The following SAMSN1 variants were observed in gnomAD, a reference collection of about 807,000 sequenced individuals.
SAMSN1 encodes the protein SAM domain-containing protein SAMSN-1.
A neutral mutation model predicts 42.0 loss-of-function variants in SAMSN1; 31 were observed. That is an observed-to-expected ratio of 0.74 (90% confidence interval 0.55 to 1.00). The LOEUF (loss-of-function observed/expected upper bound fraction) is 1.00. Ranked by LOEUF, SAMSN1 falls within the 50% of genes least tolerant of loss-of-function variation. SAMSN1 has a pLI of 0.00. For synonymous variants in SAMSN1, 178 were observed against 151.9 expected (o/e 1.17, Z -1.26); for missense variants, 464 against 439.4 (o/e 1.06, Z -0.50).
At chr21:14,532,325 G>T (rs1979320007) in intron 1 of SAMSN1, among the ~76,000 whole-genome samples, 1 of 152,112 alleles carries the variant, frequency 6.6e-6, no homozygotes, top group South Asian at 2.1e-4. Context: ...CTGGTCTTAG[G>T]AATTTAAACA....
In SAMSN1 at chr21:14,604,784, T is replaced by G. The variant is rs370148293; in HGVS notation, c.323-2685A>C. ...AGCCGGGCCTAACCTAGACTAGTTG[T>G]CAGACATGTAAGTGAAGGAGCCTCT... On this transcript the variant is annotated intron_variant, in intron 5 of 15. Transcript: ENST00000647101. Among the ~76,000 whole-genome samples the G allele has an allele frequency of 1.3e-4, 20 of 152,330 alleles. No homozygotes were observed. The East Asian group carries it at 3.9e-3, about 29-fold the overall frequency.
chr21:14,527,146 C>T (rs76611806), intron 1 of SAMSN1, among the ~76,000 whole-genome samples: 304 of 152,276 alleles, frequency 2.0e-3, no homozygotes, highest in Non-Finnish European at 3.2e-3. Flanking sequence ...GCACAAAGAA[C>T]GTTGGTTAGT....
intron 2 of SAMSN1, among the ~76,000 whole-genome samples, chr21:14,626,298 G>A (rs1328085177): frequency 6.6e-6 from 1 of 152,136 alleles, no homozygotes; most frequent in Admixed American, 6.5e-5. Context: ...TTAAACTAAA[G>A]AGCTTTTGCA....
At chr21:14,570,793 A>G (rs1291875846) in intron 2 of SAMSN1, among the ~76,000 whole-genome samples, 2 of 152,150 alleles carry the variant, frequency 1.3e-5, no homozygotes, top group East Asian at 3.8e-4. Context: ...CAAAATATCA[A>G]CTCAAGCCTC....
intron 1 of SAMSN1, among the ~76,000 whole-genome samples, chr21:14,537,494 CA>C (rs1979705422): frequency 6.6e-6 from 1 of 152,038 alleles, no homozygotes; most frequent in Non-Finnish European, 1.5e-5. Context: ...TTGGTATCGC[CA>C]GTGTATTGTC....
chr21:14,598,809 C>T (rs1982347131), intron 6 of SAMSN1, among the ~76,000 whole-genome samples: 1 of 152,094 alleles, frequency 6.6e-6, no homozygotes, highest in Admixed American at 6.5e-5. Flanking sequence ...ATAATTATAA[C>T]TATAAAATGT....
intron 2 of SAMSN1, among the ~76,000 whole-genome samples, chr21:14,624,814 GAC>G (rs1461071936): frequency 1.3e-5 from 2 of 152,102 alleles, no homozygotes; most frequent in Non-Finnish European, 2.9e-5. Flanking sequence ...GCCGGGAAGA[GAC>G]ACAACCAAAA....
intron 7 of SAMSN1, chr21:14,591,990 T>G (rs1235105576): frequency 1.3e-5 from 2 of 152,214 alleles, no homozygotes; most frequent in East Asian, 3.9e-4. Context: ...AAGCCAAGAC[T>G]GCTTTTTGCT....
chr21:14,659,190 T>C (rs1983960851), upstream of SAMSN1, among the ~76,000 whole-genome samples: 1 of 151,964 alleles, frequency 6.6e-6, no homozygotes, highest in Admixed American at 6.6e-5. Flanking sequence ...CCATCTCCCA[T>C]TCCTATTTTC....
chr21:14,490,125 T>C (rs1245881262), intron 7 of SAMSN1, among the ~76,000 whole-genome samples: 3 of 152,200 alleles, frequency 2.0e-5, no homozygotes, highest in Non-Finnish European at 4.4e-5. Context: ...GTCTTTACCA[T>C]CTTGCTTGCC....
At chr21:14,606,715 G>A (rs952554066) in intron 5 of SAMSN1, among the ~76,000 whole-genome samples, 9 of 152,060 alleles carry the variant, frequency 5.9e-5, no homozygotes, top group African/African-American at 2.2e-4. Context: ...TTATTTTACA[G>A]ATGTAGTCTC....
At chr21:14,595,675 G>C (rs188987818) in intron 6 of SAMSN1, among the ~76,000 whole-genome samples, 75 of 152,244 alleles carry the variant, frequency 4.9e-4, no homozygotes, top group Middle Eastern at 3.4e-3. Context: ...GAGAGTTTAA[G>C]CAACAAGTTT....
chr21:14,631,212 C>T (rs953359330), intron 2 of SAMSN1, among the ~76,000 whole-genome samples: 5 of 152,194 alleles, frequency 3.3e-5, no homozygotes, highest in Non-Finnish European at 7.3e-5. Flanking sequence ...CTACGAACCA[C>T]AGTTATGTAC....
At chr21:14,630,958 C>A (rs566004374) in intron 2 of SAMSN1, among the ~76,000 whole-genome samples, 2 of 152,180 alleles carry the variant, frequency 1.3e-5, no homozygotes, top group Admixed American at 6.5e-5. Flanking sequence ...ACTTGGGAGT[C>A]ACCTACTTTG....
chr21:14,648,104 T>G (rs910207696), intron 1 of SAMSN1, among the ~76,000 whole-genome samples: 26 of 151,452 alleles, frequency 1.7e-4, no homozygotes, highest in African/African-American at 6.1e-4. Flanking sequence ...GCCCATTCAG[T>G]ATGATATTGG....
intron 2 of SAMSN1, among the ~76,000 whole-genome samples, chr21:14,637,076 T>C (rs1252445193): frequency 6.6e-6 from 1 of 152,214 alleles, no homozygotes; most frequent in Non-Finnish European, 1.5e-5. Context: ...CCTTCAATCC[T>C]ACCTTGTCCA....
chr21:14,638,489 G>A (rs940630504), intron 2 of SAMSN1, among the ~76,000 whole-genome samples: 2 of 152,114 alleles, frequency 1.3e-5, no homozygotes, highest in African/African-American at 2.4e-5. Context: ...AATATTTTAG[G>A]TTTGTGAGAC....
intron 1 of SAMSN1, among the ~76,000 whole-genome samples, chr21:14,657,423 A>AT (rs1230561422): frequency 6.6e-6 from 1 of 151,796 alleles, no homozygotes; most frequent in Non-Finnish European, 1.5e-5. Flanking sequence ...TCCCTTCCCT[A>AT]TATCACAGAG....
intron 7 of SAMSN1, among the ~76,000 whole-genome samples, chr21:14,589,664 A>G (rs1200102038): frequency 6.6e-6 from 1 of 152,162 alleles, no homozygotes; most frequent in East Asian, 1.9e-4. Flanking sequence ...ATTTAGGCTT[A>G]TGGAGACTAA....
Sources: gnomAD v4.1 joint callset for allele counts (sites outside exome capture counted in the v4.1 genomes callset) on GRCh38, gnomAD v4.1.1 for gene constraint, MANE v1.5 for transcripts, NCBI Gene and HGNC (gene_info 2026-07-23, HGNC 2026-07-21) for gene names.